Variants in CEP128 observed in about 807,000 individuals in gnomAD.
CEP128 encodes the protein centrosomal protein 128kDa.
Under a neutral mutation model 156.7 loss-of-function variants are expected in CEP128, and 132 were observed. The ratio of observed to expected loss-of-function variants is 0.84; its 90% CI spans 0.73 to 0.97. CEP128 has a LOEUF of 0.97. Among genes scored for constraint, CEP128 ranks in the 50% least tolerant of loss-of-function variants. The pLI, the probability that CEP128 is intolerant of heterozygous loss-of-function variation, is 0.00. For synonymous variants in CEP128, 469 were observed against 448.9 expected (o/e 1.04, Z -0.57); for missense variants, 1,252 against 1,281.9 (o/e 0.98, Z 0.36).
At chr14:80,780,340 T>C (rs116915255) in intron 15 of CEP128, among the ~76,000 whole-genome samples, 1,568 of 152,208 alleles carry the variant, frequency 0.01, 15 homozygotes, top group Middle Eastern at 0.048. Flanking sequence ...ATTTAATTAA[T>C]ATAAATAAGT....
chr14:80,545,503 G>A (rs1481822919), intron 21 of CEP128, among the ~76,000 whole-genome samples: 1 of 152,128 alleles, frequency 6.6e-6, no homozygotes, highest in Non-Finnish European at 1.5e-5. Flanking sequence ...GTTGTAATTT[G>A]TTAAAATAAG....
intron 8 of CEP128, among the ~76,000 whole-genome samples, chr14:80,880,345 CATTTATG>C (rs1888472847): frequency 6.6e-6 from 1 of 151,866 alleles, no homozygotes; most frequent in South Asian, 2.1e-4. Flanking sequence ...TAATAAAAGC[CATTTATG>C]AAAAGCCCAT....
At chr14:80,929,643 C>A (rs1432248567) in intron 2 of CEP128, among the ~76,000 whole-genome samples, 1 of 152,124 alleles carries the variant, frequency 6.6e-6, no homozygotes, top group East Asian at 1.9e-4. Context: ...CATGTTCTCA[C>A]TTACAAGTGG....
chr14:80,792,815 C>A lies in CEP128; in HGVS notation c.1505G>T (p.Arg502Leu). Reference protein sequence around the residue: ...QWKLKHKKLERALEKQSETVD... With the variant: ...QWKLKHKKLELALEKQSETVD... ...AGTTTCAGATTGTTTCTCCAACGCTCGTTCTAACTTCTTATGCTTAAGCTT... is the reference window on the plus strand; with the variant it reads ...AGTTTCAGATTGTTTCTCCAACGCTAGTTCTAACTTCTTATGCTTAAGCTT... Residue 502 changes from arginine to leucine, a missense_variant, in exon 14 of 25, where the codon CGA becomes CTA. Coordinates refer to ENST00000555265, the MANE Select transcript of CEP128 (RefSeq NM_152446.5). 1 of 1,614,138 alleles carries A rather than the reference C, an allele frequency of 6.2e-7. No homozygotes were observed. Among genetic ancestry groups the A allele is most frequent in the Admixed American group, 1.7e-5 (1 of 60,010 alleles).
At chr14:80,900,983 G>C (rs1423300809) in intron 6 of CEP128, among the ~76,000 whole-genome samples, 1 of 151,922 alleles carries the variant, frequency 6.6e-6, no homozygotes, top group African/African-American at 2.4e-5. Context: ...GAGGCGGGCG[G>C]ATCACGAGGT....
At chr14:80,768,309 T>A (rs28613768) in intron 16 of CEP128, among the ~76,000 whole-genome samples, 9,952 of 152,130 alleles carry the variant, frequency 0.065, 1,087 homozygotes, top group African/African-American at 0.23. Flanking sequence ...CTGGAAGTGG[T>A]AAGAAGTATT....
chr14:80,547,349 C>A (rs1222413882), intron 21 of CEP128, among the ~76,000 whole-genome samples: 2 of 152,186 alleles, frequency 1.3e-5, no homozygotes, highest in Non-Finnish European at 2.9e-5. Flanking sequence ...CACTTTGTAT[C>A]ATTTACTAAA....
intron 21 of CEP128, among the ~76,000 whole-genome samples, chr14:80,536,429 TGTGA>T (rs1269454438): frequency 6.6e-6 from 1 of 152,218 alleles, no homozygotes; most frequent in Non-Finnish European, 1.5e-5. Flanking sequence ...AAAATAAATG[TGTGA>T]GTTTTTGGCA....
intron 20 of CEP128, among the ~76,000 whole-genome samples, chr14:80,575,596 T>C (rs1027047959): frequency 3.9e-5 from 6 of 152,192 alleles, no homozygotes; most frequent in African/African-American, 1.4e-4. Context: ...GACTTGTTTA[T>C]TGCTTTATCC....
At chr14:80,825,599 T>G (rs1885430494) in intron 13 of CEP128, among the ~76,000 whole-genome samples, 1 of 152,178 alleles carries the variant, frequency 6.6e-6, no homozygotes, top group African/African-American at 2.4e-5. Context: ...TAATTAGTAA[T>G]AAATACAAGC....
At chr14:80,682,616 A>G (rs1340208739) in intron 19 of CEP128, among the ~76,000 whole-genome samples, 4 of 152,188 alleles carry the variant, frequency 2.6e-5, no homozygotes, top group African/African-American at 7.2e-5. Context: ...ACTATACAAA[A>G]TGAATATCAT....
intron 19 of CEP128, among the ~76,000 whole-genome samples, chr14:80,588,449 T>C (rs373385927): frequency 6.6e-6 from 1 of 152,278 alleles, no homozygotes; most frequent in South Asian, 2.1e-4. Context: ...GCCTAGTATG[T>C]TGATATATTC....
At chr14:80,546,406 C>T (rs1295743956) in intron 21 of CEP128, among the ~76,000 whole-genome samples, 1 of 152,168 alleles carries the variant, frequency 6.6e-6, no homozygotes, top group Non-Finnish European at 1.5e-5. Flanking sequence ...AGGCTTTTAC[C>T]TTACCCTGTC....
chr14:80,888,434 G>A (rs547518493), intron 8 of CEP128, among the ~76,000 whole-genome samples: 4 of 152,230 alleles, frequency 2.6e-5, no homozygotes, highest in South Asian at 2.1e-4. Context: ...TATCCACCAC[G>A]ATCAAGTTAG....
At chr14:80,810,385 G>C (rs375616223) in intron 13 of CEP128, among the ~76,000 whole-genome samples, 5 of 131,172 alleles carry the variant, frequency 3.8e-5, no homozygotes, top group African/African-American at 1.4e-4. Context: ...TGAACAATTC[G>C]ACAAGAAAAA....
intron 19 of CEP128, 70 bp from the exon 20 acceptor site, chr14:80,580,493 A>T (rs1287810728): frequency 9.1e-6 from 8 of 876,748 alleles, no homozygotes; most frequent in Middle Eastern, 2.2e-4. Flanking sequence ...CATCAAATGC[A>T]ATTCAGCCAG....
chr14:80,943,409 AG>A (rs947763155), upstream of CEP128, among the ~76,000 whole-genome samples: 32 of 152,350 alleles, frequency 2.1e-4, no homozygotes, highest in African/African-American at 7.7e-4. Context: ...GTCTACCAAA[AG>A]AGCTAATGTA....
chr14:80,919,043 T>C (rs1375861681), intron 2 of CEP128, among the ~76,000 whole-genome samples: 3 of 152,164 alleles, frequency 2.0e-5, no homozygotes, highest in Admixed American at 2.0e-4. Context: ...GGAAACTTGA[T>C]TGAAGTTAAG....
At chr14:80,672,893 AT>A (rs1276611825) in intron 19 of CEP128, among the ~76,000 whole-genome samples, 3 of 152,322 alleles carry the variant, frequency 2.0e-5, no homozygotes, top group African/African-American at 7.2e-5. Context: ...GTGAAATTGA[AT>A]TAAGTAAAAA....
Sources: allele counts gnomAD v4.1 joint callset (sites outside exome capture counted in the v4.1 genomes callset), GRCh38; gene constraint gnomAD v4.1.1; transcripts MANE v1.5; gene names NCBI Gene and HGNC (gene_info 2026-07-23, HGNC 2026-07-21).